The following FAM171A2 variants were observed in gnomAD, a reference collection of about 807,000 sequenced individuals.
FAM171A2 encodes protein FAM171A2.
FAM171A2 carries 13 observed loss-of-function variants against 34.2 expected under a neutral mutation model. The ratio of observed to expected loss-of-function variants is 0.38; its 90% CI spans 0.25 to 0.60. The LOEUF is 0.60. Ranked by LOEUF, FAM171A2 falls within the 20% of genes least tolerant of loss-of-function variation. The probability of loss-of-function intolerance (pLI) is 0.62; values close to 1 mark genes in which losing one functional copy is unlikely to be tolerated. For missense variants in FAM171A2, 950 were observed against 1,180.7 expected, an observed-to-expected ratio of 0.80 and a Z score of 2.86; for synonymous variants, 475 against 561.2, an observed-to-expected ratio of 0.85 and a Z score of 2.17.
Position 44,353,560 on chromosome 17 carries a change from A to C in FAM171A2, c.*173T>G. On this transcript the variant is annotated 3_prime_UTR_variant, in exon 8 of 8. Coordinates refer to ENST00000293443, the MANE Select transcript of FAM171A2 (RefSeq NM_198475.3). ...TCCTCCCCGGCTTGGAGGCAGACAC[A>C]GGGTCCCTTGCAAGACACGACCCAG... is the stretch of plus-strand genomic sequence containing the variant. 1.1e-5 allele frequency: 4 copies of C among 366,756 alleles called. No individual in the cohort carries two copies. The highest frequency in any genetic ancestry group is 1.7e-5 in the Non-Finnish European group (4 of 232,712). The allele number at this position is 366,756 out of a possible 1,614,324, so 22.7% of individuals were successfully genotyped here.
At position 44,359,817 on chromosome 17, in the gene FAM171A2, C is replaced by T. The variant is rs1187860541; in HGVS notation, c.346+88G>A. On this transcript the variant is annotated intron_variant, in intron 2 of 7. Transcript: ENST00000293443. ...CCAGGCAGCAGCTGCTGGAAAGCCT[C>T]CCCCTCCACCCCCAAGGAGACTATT... 9.9e-6 allele frequency: 14 copies of T among 1,420,408 alleles called. No individual in the cohort carries two copies. The South Asian group carries it at 1.1e-4, about 11-fold the overall frequency. The allele number at this position is 1,420,408 out of a possible 1,614,324, so 88.0% of individuals were successfully genotyped here.
rs867722262 is a variant in FAM171A2, at chr17:44,360,168, G to C, written c.119-36C>G. ...GATGGGGCAAAGGGAGTGAGGACGA[G>C]GGAGGGGGAAAGAGAACTGGGGGGA... On this transcript the variant is annotated intron_variant, in intron 1 of 7. Transcript: ENST00000293443. The C allele has an allele frequency of 7.9e-6, 12 of 1,516,300 alleles. No homozygotes were observed. The Middle Eastern group carries it at 1.9e-3, about 237-fold the overall frequency. 93.9% of individuals were successfully genotyped at this position (1,516,300 alleles called of 1,614,324 possible). A position where few individuals can be genotyped will look rare whatever the true frequency, so the allele number is the denominator to read the frequency against.
In FAM171A2 at chr17:44,360,043, G is replaced by T; in HGVS notation, c.208C>A (p.Leu70Met). ...TCTGAGTCTGTGGTGCCAGCTGCCA[G>T]CAGAGTCCGGTTCCCAAACACATCC... ...SVDVFGNRTL[L>M]AAGTTDSEGV... The change falls in exon 2 of 8, where the codon CTG becomes ATG. Residue 70 changes from leucine to methionine, a missense_variant. Transcript: ENST00000293443. 1 of 1,551,766 alleles carries T rather than the reference G, an allele frequency of 6.4e-7. No homozygotes were observed. Among genetic ancestry groups the T allele is most frequent in the Non-Finnish European group, 8.7e-7 (1 of 1,147,012 alleles).
rs2048421942 is a variant in FAM171A2, at chr17:44,356,094, T to C, written c.779-20A>G. On this transcript the variant is annotated intron_variant, in intron 5 of 7. Coordinates refer to ENST00000293443, the MANE Select transcript of FAM171A2 (RefSeq NM_198475.3). Reference sequence around the variant, plus strand: ...ACAGCCCTGGGAGAGGCAGGGGTTTTGTCACACTTGAGTCGCTCCCACTCA... The same window carrying C: ...ACAGCCCTGGGAGAGGCAGGGGTTTCGTCACACTTGAGTCGCTCCCACTCA... The C allele has an allele frequency of 1.3e-6, 2 of 1,527,892 alleles. No individual in the cohort carries two copies. Among genetic ancestry groups the C allele is most frequent in the Admixed American group, 2.1e-5 (1 of 48,766 alleles). The allele number at this position is 1,527,892 out of a possible 1,614,324, so 94.6% of individuals were successfully genotyped here.
chr17:44,353,345 A>C lies in FAM171A2; in HGVS notation c.*388T>G, dbSNP rs1598366959. 5.4e-5 allele frequency: 9 copies of C among 167,894 alleles called. No individual in the cohort carries two copies. The highest frequency in any genetic ancestry group is 1.7e-4 in the East Asian group (1 of 5,846). 10.4% of individuals were successfully genotyped at this position (167,894 alleles called of 1,614,324 possible). A position where few individuals can be genotyped will look rare whatever the true frequency, so the allele number is the denominator to read the frequency against. On this transcript the variant is annotated 3_prime_UTR_variant, in exon 8 of 8. Transcript: ENST00000293443. ...AGAGATGGGCTAGTCAGCAAGCAGC[A>C]CCCCCTCCCCTCCCAGGGGTCCACA... is the stretch of plus-strand genomic sequence containing the variant.
In FAM171A2 at chr17:44,355,035, C is replaced by G; in HGVS notation, c.1179G>C (p.Pro393=). The G allele has an allele frequency of 6.5e-7, 1 of 1,534,312 alleles. No homozygotes were observed. Among genetic ancestry groups the G allele is most frequent in the Non-Finnish European group, 8.8e-7 (1 of 1,140,096 alleles). The change falls in exon 8 of 8, where the codon CCG becomes CCC. Residue 393 remains proline (P), a synonymous_variant. Transcript: ENST00000293443. The surrounding 1 kb of genome is among the most constrained non-coding windows in gnomAD (Gnocchi z 4.1). ...EPAPSGDPEA[P]PPGPLHSAFS... ...AGGCCGAGTGGAGGGGGCCTGGAGG[C>G]GGAGCCTCGGGGTCCCCCGACGGGG...
chr17:44,357,458 C>A (rs1197056872), intron 3 of FAM171A2, among the ~76,000 whole-genome samples: 2 of 151,662 alleles, frequency 1.3e-5, no homozygotes, highest in African/African-American at 4.8e-5. Context: ...ACCAGCCTGG[C>A]CAAGATGGTG....
Position 44,356,246 on chromosome 17 carries a change from C to T in FAM171A2, c.705G>A (p.Leu235=). The T allele has an allele frequency of 6.4e-7, 1 of 1,551,562 alleles. No individual in the cohort carries two copies. Among genetic ancestry groups the T allele is most frequent in the Non-Finnish European group, 8.7e-7 (1 of 1,146,948 alleles). The part of the protein sequence containing the change: ...VPLSGPIHLS[L]PVPSETRALT... The stretch of plus-strand genomic sequence containing the variant: ...GGGCACGAGTCTCGGAGGGCACGGG[C>T]AGGGACAGGTGAATGGGGCCTGAGA... The change falls in exon 5 of 8, where the codon CTG becomes CTA. Residue 235 remains leucine (L), a synonymous_variant. Coordinates refer to ENST00000293443, the MANE Select transcript of FAM171A2 (RefSeq NM_198475.3).
chr17:44,359,245 C>T (rs2048438091), intron 3 of FAM171A2: 1 of 266,946 alleles, frequency 3.7e-6, no homozygotes, highest in Non-Finnish European at 7.2e-6. Flanking sequence ...TGCACCTGTG[C>T]ATCCAGCAGG....
Position 44,353,697 on chromosome 17 carries a change from CGCGCGGGAGGGGCGGTGCCAGGCCCT to C in FAM171A2, c.*10_*35del, listed in dbSNP as rs776696215. 4.5e-5 allele frequency: 57 copies of C among 1,275,380 alleles called. No homozygotes were observed. The highest frequency in any genetic ancestry group is 5.3e-5 in the Non-Finnish European group (54 of 1,013,668). The allele number at this position is 1,275,380 out of a possible 1,614,324, so 79.0% of individuals were successfully genotyped here. On this transcript the variant is annotated 3_prime_UTR_variant, in exon 8 of 8. Coordinates refer to ENST00000293443, the MANE Select transcript of FAM171A2 (RefSeq NM_198475.3). Reference sequence around the variant, plus strand: ...GGGGCGCGCACCCTGGGTGCGGGCCCGCGCGGGAGGGGCGGTGCCAGGCCCTGCGCGGGCGCTACTTGACGTTGAAC... The same window carrying C: ...GGGGCGCGCACCCTGGGTGCGGGCCCGCGCGGGCGCTACTTGACGTTGAAC...
intron 3 of FAM171A2, chr17:44,359,277 C>T (rs1423249863): frequency 1.0e-5 from 4 of 393,380 alleles, no homozygotes; most frequent in South Asian, 2.5e-5. Context: ...TCTGTGTAGA[C>T]CCATTGAAGA....
Position 44,354,745 on chromosome 17 carries a change from G to A in FAM171A2, c.1469C>T (p.Ala490Val), listed in dbSNP as rs1223678878. The A allele has an allele frequency of 1.5e-6, 2 of 1,309,286 alleles. No individual in the cohort carries two copies. The highest frequency in any genetic ancestry group is 9.7e-7 in the Non-Finnish European group (1 of 1,027,660). 81.1% of individuals were successfully genotyped at this position (1,309,286 alleles called of 1,614,324 possible). A position where few individuals can be genotyped will look rare whatever the true frequency, so the allele number is the denominator to read the frequency against. ...PFDHYLGHKG[A>V]AEGKTPDFLL... ...GAAGTCGGGGGTCTTGCCCTCGGCCGCCCCCTTGTGGCCCAGGTAGTGGTC... is the reference window on the plus strand; with the variant it reads ...GAAGTCGGGGGTCTTGCCCTCGGCCACCCCCTTGTGGCCCAGGTAGTGGTC... The change falls in exon 8 of 8, where the codon GCG becomes GTG. Residue 490 changes from alanine to valine, a missense_variant. Physicochemically the swap from Ala to Val is moderately conservative, Grantham distance 64 (BLOSUM62 0). This residue lies in a region of FAM171A2 where 752 missense variants were observed against 924.5 expected (regional missense o/e 0.81). Coordinates refer to ENST00000293443, the MANE Select transcript of FAM171A2 (RefSeq NM_198475.3). This position sits in a 1 kb window ranked among gnomAD's most constrained non-coding sequence, Gnocchi z 5.8.
Position 44,354,027 on chromosome 17 carries a change from G to T in FAM171A2, c.2187C>A (p.Asp729Glu). ...PAPPRLALSE[D>E]TEPSSSESRT... ...GGCTCTCGCTGCTGCTGGGCTCCGT[G>T]TCCTCGCTGAGCGCCAGGCGCGGGG... Residue 729 changes from aspartate to glutamate, a missense_variant, in exon 8 of 8, where the codon GAC (aspartate) becomes GAA (glutamate). By Grantham distance (45) the Asp-to-Glu change is conservative. Transcript: ENST00000293443. The surrounding 1 kb of genome is among the most constrained non-coding windows in gnomAD (Gnocchi z 5.8). 8.5e-7 allele frequency: 1 copy of T among 1,177,742 alleles called. No individual in the cohort carries two copies. Among genetic ancestry groups the T allele is most frequent in the Non-Finnish European group, 1.0e-6 (1 of 953,734 alleles). The allele number at this position is 1,177,742 out of a possible 1,614,324, so 73.0% of individuals were successfully genotyped here. A position where few individuals can be genotyped will look rare whatever the true frequency, so the allele number is the denominator to read the frequency against.
At chr17:44,358,519 C>T (rs1473645662) in intron 3 of FAM171A2, among the ~76,000 whole-genome samples, 1 of 151,972 alleles carries the variant, frequency 6.6e-6, no homozygotes, top group East Asian at 1.9e-4. Flanking sequence ...ATGGCAAAAC[C>T]GTCTCTACTA....
In FAM171A2 at chr17:44,356,227, G is replaced by A. The variant is rs2143371903; in HGVS notation, c.724C>T (p.Arg242Cys). The A allele has an allele frequency of 6.4e-7, 1 of 1,551,406 alleles. No individual in the cohort carries two copies. Among genetic ancestry groups the A allele is most frequent in the South Asian group, 1.2e-5 (1 of 84,052 alleles). Residue 242 changes from arginine (R) to cysteine (C), a missense_variant, in exon 5 of 8, where the codon CGT (arginine) becomes TGT (cysteine). By Grantham distance (180) the Arg-to-Cys change is radical (BLOSUM62 -3). Transcript: ENST00000293443. The part of the protein sequence containing the change: ...HLSLPVPSET[R>C]ALTVGTSIPA... Reference sequence around the variant, plus strand: ...ATGCTGGTGCCCACGGTGAGGGCACGAGTCTCGGAGGGCACGGGCAGGGAC... The same window carrying A: ...ATGCTGGTGCCCACGGTGAGGGCACAAGTCTCGGAGGGCACGGGCAGGGAC...
In FAM171A2 at chr17:44,353,259, A is replaced by T. The variant is rs2048397435; in HGVS notation, c.*474T>A. Reference sequence around the variant, plus strand: ...ATTTGCTGCTGCCCACATCGGCTGTATCACATTACCCCCTAGTCCCCAGAG... The same window carrying T: ...ATTTGCTGCTGCCCACATCGGCTGTTTCACATTACCCCCTAGTCCCCAGAG... On this transcript the variant is annotated 3_prime_UTR_variant, in exon 8 of 8. Coordinates refer to ENST00000293443, the MANE Select transcript of FAM171A2 (RefSeq NM_198475.3). 3.9e-6 allele frequency: 1 copy of T among 259,184 alleles called. No individual in the cohort carries two copies. The highest frequency in any genetic ancestry group is 7.6e-6 in the Non-Finnish European group (1 of 131,856). 16.1% of individuals were successfully genotyped at this position (259,184 alleles called of 1,614,324 possible).
At chr17:44,363,532 G>A in intron 1 of FAM171A2, 65 bp downstream of exon 1, 1 of 731,550 alleles carries the variant, frequency 1.4e-6, no homozygotes, top group African/African-American at 1.8e-5. Flanking sequence ...AGAGGGGGCT[G>A]ACGGGCGGGA....
At position 44,363,639 on chromosome 17, in the gene FAM171A2, G is replaced by C; in HGVS notation, c.76C>G (p.Arg26Gly). 1 of 1,229,138 alleles carries C rather than the reference G, an allele frequency of 8.1e-7. No homozygotes were observed. Among genetic ancestry groups the C allele is most frequent in the Non-Finnish European group, 1.0e-6 (1 of 985,716 alleles). The allele number at this position is 1,229,138 out of a possible 1,614,324, so 76.1% of individuals were successfully genotyped here. Residue 26 changes from arginine (R) to glycine (G), a missense_variant, in exon 1 of 8, where the codon CGG (arginine) becomes GGG (glycine). Around this residue, in one of 3 missense-constraint regions of FAM171A2, gnomAD observed 752 missense variants for 924.5 expected, o/e 0.81. Transcript: ENST00000293443. ...LLGLLLGSAS[R>G]APGKSPPEPP... ...TCCGGCGGCGACTTGCCGGGAGCCCGGGAGGCGCTGCCGAGCAGCAGCCCC... is the reference window on the plus strand; with the variant it reads ...TCCGGCGGCGACTTGCCGGGAGCCCCGGAGGCGCTGCCGAGCAGCAGCCCC...
Position 44,354,405 on chromosome 17 carries a change from GC to G in FAM171A2, c.1808del (p.Gly603AlafsTer35). Reference sequence around the variant, plus strand: ...CGGGCGCCGCGCGCCCGGCCCCCCAGCCCTCGCCGCCGCCCCCGCCGCCCTC... The same window carrying G: ...CGGGCGCCGCGCGCCCGGCCCCCCAGCCTCGCCGCCGCCCCCGCCGCCCTC... ...GGEGGGGGGE[G>X]WGAGRAAPVS... On this transcript the variant is annotated frameshift_variant, in exon 8 of 8. Transcript: ENST00000293443. LOFTEE classifies it low-confidence loss of function (END_TRUNC). This position sits in a 1 kb window ranked among gnomAD's most constrained non-coding sequence, Gnocchi z 5.8. 8.3e-7 allele frequency: 1 copy of G among 1,199,096 alleles called. No homozygotes were observed. The highest frequency in any genetic ancestry group is 1.0e-6 in the Non-Finnish European group (1 of 959,092). 74.3% of individuals were successfully genotyped at this position (1,199,096 alleles called of 1,614,324 possible).
Sources: gnomAD v4.1 joint callset for allele counts (sites outside exome capture counted in the v4.1 genomes callset) on GRCh38, gnomAD v4.1.1 for gene constraint, gnomAD v4.1.1 regional missense constraint, Gnocchi (gnomAD v3.1) non-coding constraint, MANE v1.5 for transcripts, NCBI Gene and HGNC (gene_info 2026-07-23, HGNC 2026-07-21) for gene names.